GKAP1: variants seen among roughly 807,000 people sequenced by gnomAD.
The protein encoded by GKAP1 is G kinase anchoring protein 1, also known as G kinase-anchoring protein 1.
GKAP1 carries 31 observed loss-of-function variants against 56.7 expected under a neutral mutation model. The observed-to-expected ratio is 0.55, with a 90% CI of 0.41 to 0.74. GKAP1 has a LOEUF of 0.74. GKAP1 is among the 30% of genes least tolerant of loss of function. The pLI, the probability that GKAP1 is intolerant of heterozygous loss-of-function variation, is 0.00. For synonymous variants in GKAP1, 151 were observed against 138.6 expected (o/e 1.09, Z -0.63); for missense variants, 364 against 402.3 (o/e 0.90, Z 0.82).
At chr9:83,743,005 A>G (rs1430651039) in intron 10 of GKAP1, among the ~76,000 whole-genome samples, 2 of 152,032 alleles carry the variant, frequency 1.3e-5, no homozygotes, top group African/African-American at 4.8e-5. Flanking sequence ...AAAAAATATT[A>G]TACAAAAATT....
intron 8 of GKAP1, among the ~76,000 whole-genome samples, chr9:83,762,409 G>T (rs1943588911): frequency 6.6e-6 from 1 of 152,048 alleles, no homozygotes; most frequent in African/African-American, 2.4e-5. Context: ...AAGAAGAGAT[G>T]ACAAAATGGA....
chr9:83,768,954 T>C lies in GKAP1; in HGVS notation c.602A>G (p.Gln201Arg), dbSNP rs1363191374. ...SKKTEELSSS[Q>R]TLSHDGGFFN... ...GAATCCTCCATCATGTGATAAAGTC[T>C]GAGAAGAACTCAATTCCTGTCAAAA... The change falls in exon 8 of 13, where the codon CAG (glutamine) becomes CGG (arginine). Residue 201 changes from glutamine (Q) to arginine (R), a missense_variant. Physicochemically the swap from Gln to Arg is conservative, Grantham distance 43 (BLOSUM62 1). Transcript: ENST00000376371. 2 of 1,608,356 alleles carry C rather than the reference T, an allele frequency of 1.2e-6. No individual in the cohort carries two copies. The highest frequency in any genetic ancestry group is 1.7e-5 in the Admixed American group (1 of 59,100).
chr9:83,749,606 C>A (rs1445558507), intron 9 of GKAP1, among the ~76,000 whole-genome samples: 1 of 151,848 alleles, frequency 6.6e-6, no homozygotes, highest in Admixed American at 6.6e-5. Context: ...AAAACAAAAC[C>A]CTAAAGAAAA....
intron 4 of GKAP1, among the ~76,000 whole-genome samples, chr9:83,793,306 C>A (rs1944193157): frequency 6.6e-6 from 1 of 152,206 alleles, no homozygotes; most frequent in African/African-American, 2.4e-5. Flanking sequence ...TTGCAGCCAA[C>A]TGATTGGACT....
chr9:83,791,346 T>C (rs947270894), intron 4 of GKAP1, among the ~76,000 whole-genome samples: 32 of 150,666 alleles, frequency 2.1e-4, no homozygotes, highest in African/African-American at 6.9e-4. Flanking sequence ...GAGCTTGCAG[T>C]GAGCCGACAT....
rs781582439 is a variant in GKAP1, at chr9:83,784,791, A to G, written c.486T>C (p.Asn162=). ...GATGATTCTTTCTTTTATCTTTTTT[A>G]TTCATAACTTTGGACTGAGTTGAAG... ...ENTSTQSKVM[N]KKDKRKNHQG... Residue 162 remains asparagine (N), a synonymous_variant, in exon 6 of 13, where the codon AAT becomes AAC. Transcript: ENST00000376371. The G allele has an allele frequency of 6.3e-7, 1 of 1,599,382 alleles. No individual in the cohort carries two copies. The highest frequency in any genetic ancestry group is 8.5e-7 in the Non-Finnish European group (1 of 1,170,046).
chr9:83,815,570 G>A (rs929492211), intron 2 of GKAP1, among the ~76,000 whole-genome samples: 1 of 146,406 alleles, frequency 6.8e-6, no homozygotes. Flanking sequence ...GGGAACTTCA[G>A]AAAACACACA....
intron 6 of GKAP1, 84 bp from the exon 7 acceptor site, chr9:83,780,488 C>T: frequency 1.7e-6 from 1 of 591,202 alleles, no homozygotes; most frequent in Non-Finnish European, 2.8e-6. Flanking sequence ...AAAAACGAAA[C>T]TGAAAGAATT....
chr9:83,741,396 G>A (rs1221104853), intron 12 of GKAP1, among the ~76,000 whole-genome samples: 2 of 145,832 alleles, frequency 1.4e-5, no homozygotes, highest in East Asian at 2.1e-4. Flanking sequence ...ACACACAAAA[G>A]CACTGGTATT....
intron 8 of GKAP1, among the ~76,000 whole-genome samples, chr9:83,753,842 G>A (rs1210573158): frequency 6.6e-6 from 1 of 152,092 alleles, no homozygotes; most frequent in Non-Finnish European, 1.5e-5. Context: ...GAAGTGATCA[G>A]GACCAACACT....
intron 6 of GKAP1, among the ~76,000 whole-genome samples, chr9:83,781,837 G>C (rs1232364137): frequency 7.0e-6 from 1 of 142,670 alleles, no homozygotes; most frequent in African/African-American, 2.5e-5. Context: ...TTAATAAAAT[G>C]TATTTCTTCT....
intron 5 of GKAP1, among the ~76,000 whole-genome samples, chr9:83,786,732 T>C (rs1944070154): frequency 6.6e-6 from 1 of 152,132 alleles, no homozygotes; most frequent in Non-Finnish European, 1.5e-5. Context: ...CAAAAGAAGT[T>C]CCTCCCTTCT....
At chr9:83,784,653 A>G (rs958467804) in intron 6 of GKAP1, 62 bp downstream of exon 6, 52 of 1,131,170 alleles carry the variant, frequency 4.6e-5, no homozygotes, top group Non-Finnish European at 6.2e-5. Context: ...GACATTTACA[A>G]CTGAAGTATA....
Position 83,753,270 on chromosome 9 carries a change from G to T in GKAP1, c.828C>A (p.Ile276=), listed in dbSNP as rs1396355230. ...AATGGACACAAACCTCCCATTGAGTGATTACATTTTTCAGCTTCTGGATTT... is the reference window on the plus strand; with the variant it reads ...AATGGACACAAACCTCCCATTGAGTTATTACATTTTTCAGCTTCTGGATTT... ...DAEIQKLKNV[I]TQWEAKYKEV... Residue 276 remains isoleucine (I), a synonymous_variant, in exon 9 of 13, where the codon ATC becomes ATA. Transcript: ENST00000376371. The T allele has an allele frequency of 1.9e-6, 3 of 1,592,204 alleles. No individual in the cohort carries two copies. The highest frequency in any genetic ancestry group is 2.6e-6 in the Non-Finnish European group (3 of 1,160,886).
chr9:83,808,094 T>C (rs1216779488), intron 2 of GKAP1, among the ~76,000 whole-genome samples: 1 of 152,212 alleles, frequency 6.6e-6, no homozygotes, highest in Non-Finnish European at 1.5e-5. Flanking sequence ...GCTAGAAATA[T>C]GCAAATCAAG....
intron 2 of GKAP1, among the ~76,000 whole-genome samples, chr9:83,812,673 AAAAC>A (rs1469785377): frequency 3.3e-5 from 5 of 151,958 alleles, no homozygotes; most frequent in Non-Finnish European, 2.9e-5. Context: ...AAAAAAAAGA[AAAAC>A]AACCTCAAAA....
In GKAP1 at chr9:83,799,198, T is replaced by C. The variant is rs760427544; in HGVS notation, c.347A>G (p.Gln116Arg). ...ACTTAGTTGTACCTGCTCATCTCTT[T>C]GTCTCCACTCTTGCCAATTTTCTTC... ...SREENWQEWR[Q>R]RDEQLTSEMF... The change falls in exon 4 of 13, where the codon CAA becomes CGA. Residue 116 changes from glutamine to arginine, a missense_variant. Physicochemically the swap from Gln to Arg is conservative, Grantham distance 43. Coordinates refer to ENST00000376371, the MANE Select transcript of GKAP1 (RefSeq NM_025211.4). The C allele has an allele frequency of 6.2e-7, 1 of 1,613,512 alleles. No individual in the cohort carries two copies. Among genetic ancestry groups the C allele is most frequent in the Non-Finnish European group, 8.5e-7 (1 of 1,179,768 alleles).
chr9:83,811,500 CAG>C (rs1018649724), intron 2 of GKAP1, among the ~76,000 whole-genome samples: 6 of 152,152 alleles, frequency 3.9e-5, no homozygotes, highest in Non-Finnish European at 7.4e-5. Flanking sequence ...ACAAAGCAAA[CAG>C]AAAGTATTAT....
intron 8 of GKAP1, among the ~76,000 whole-genome samples, chr9:83,759,829 G>A (rs1264411527): frequency 6.6e-6 from 1 of 152,140 alleles, no homozygotes. Context: ...AGGCACTGCA[G>A]TGAAATTAAT....
Sources: allele counts gnomAD v4.1 joint callset (sites outside exome capture counted in the v4.1 genomes callset), GRCh38; gene constraint gnomAD v4.1.1; transcripts MANE v1.5; gene names NCBI Gene and HGNC (gene_info 2026-07-23, HGNC 2026-07-21).